The following PCSK5 variants were observed in gnomAD, a reference collection of about 807,000 sequenced individuals.
PCSK5 encodes proprotein convertase subtilisin/kexin type 5, also known as prohormone convertase 5.
In PCSK5, 129 loss-of-function variants were observed where a neutral mutation model predicts 233.2. The ratio of observed to expected loss-of-function variants is 0.55; its 90% CI spans 0.48 to 0.64. The LOEUF (loss-of-function observed/expected upper bound fraction) is 0.64, where lower values mean the gene tolerates loss of function less well. Ranked by LOEUF, PCSK5 falls within the 30% of genes least tolerant of loss-of-function variation. The pLI, the probability that PCSK5 is intolerant of heterozygous loss-of-function variation, is 0.00. For missense variants in PCSK5, 2,076 were observed against 2,430.1 expected (o/e 0.85, Z 3.06); for synonymous variants, 825 against 879.2 (o/e 0.94, Z 1.09).
chr9:76,194,674 C>A (rs761247123), intron 20 of PCSK5: 1 of 437,194 alleles, frequency 2.3e-6, no homozygotes, highest in African/African-American at 2.1e-5. Context: ...AACTAGAAGA[C>A]TGAATTATGA....
At chr9:76,045,535 GAA>G (rs1464235180) in intron 5 of PCSK5, among the ~76,000 whole-genome samples, 2 of 152,170 alleles carry the variant, frequency 1.3e-5, no homozygotes, top group Admixed American at 6.5e-5. Flanking sequence ...GAGAGGAAAA[GAA>G]AAGTTTTGCC....
Position 76,296,816 on chromosome 9 carries a change from G to A in PCSK5, c.3474G>A (p.Gly1158=), listed in dbSNP as rs1564164227. 8.7e-6 allele frequency: 14 copies of A among 1,612,446 alleles called. No individual in the cohort carries two copies. The highest frequency in any genetic ancestry group is 1.2e-5 in the Non-Finnish European group (14 of 1,179,582). ...AGGAAGGACTGCAGCTGCTGCGTGG[G>A]ATGTGCGTGCATGCCACCAAGACCC... The part of the protein sequence containing the change: ...SCQEGLQLLR[G]MCVHATKTQE... Residue 1158 remains glycine, a synonymous_variant, in exon 27 of 38, where the codon GGG becomes GGA. Coordinates refer to ENST00000674117, the MANE Select transcript of PCSK5 (RefSeq NM_001372043.1).
At chr9:75,956,943 G>C (rs1563936667) in intron 2 of PCSK5, among the ~76,000 whole-genome samples, 2 of 152,010 alleles carry the variant, frequency 1.3e-5, no homozygotes, top group African/African-American at 4.8e-5. Context: ...CTCCCCAGCA[G>C]ATTTGCAATT....
intron 24 of PCSK5, among the ~76,000 whole-genome samples, chr9:76,245,151 C>T (rs1243850280): frequency 1.3e-5 from 2 of 152,024 alleles, no homozygotes; most frequent in African/African-American, 2.4e-5. Context: ...GATTATATAC[C>T]ATTGACTTGA....
chr9:76,104,310 G>C (rs928595265), intron 8 of PCSK5, among the ~76,000 whole-genome samples: 1 of 152,110 alleles, frequency 6.6e-6, no homozygotes, highest in Non-Finnish European at 1.5e-5. Flanking sequence ...AGAAGGGAGT[G>C]GGGATGTTTT....
chr9:75,896,301 T>G (rs975149430), intron 1 of PCSK5, among the ~76,000 whole-genome samples: 5 of 152,202 alleles, frequency 3.3e-5, no homozygotes, highest in African/African-American at 1.2e-4. Context: ...TTTCGGGGTC[T>G]ATTTGAAGTG....
At chr9:76,324,189 G>T (rs1829293369) in intron 32 of PCSK5, among the ~76,000 whole-genome samples, 2 of 151,920 alleles carry the variant, frequency 1.3e-5, no homozygotes, top group Non-Finnish European at 2.9e-5. Context: ...CCCTTCCAAA[G>T]TGCTGGGATA....
chr9:76,280,116 C>T (rs1382361229), intron 24 of PCSK5, among the ~76,000 whole-genome samples: 1 of 152,142 alleles, frequency 6.6e-6, no homozygotes, highest in Non-Finnish European at 1.5e-5. Context: ...TTGTAATTCT[C>T]ACAATATTTT....
intron 24 of PCSK5, among the ~76,000 whole-genome samples, chr9:76,277,660 T>C (rs1321768862): frequency 6.6e-6 from 1 of 152,182 alleles, no homozygotes; most frequent in Admixed American, 6.5e-5. Context: ...ACAACATGAT[T>C]GAAAATCACT....
intron 3 of PCSK5, among the ~76,000 whole-genome samples, chr9:76,000,384 C>A (rs1382630182): frequency 1.3e-5 from 2 of 152,190 alleles, no homozygotes; most frequent in African/African-American, 4.8e-5. Flanking sequence ...GTATTTCCAT[C>A]TGTAGGTACA....
At chr9:76,252,281 A>G (rs1363874247) in intron 24 of PCSK5, among the ~76,000 whole-genome samples, 2 of 152,140 alleles carry the variant, frequency 1.3e-5, no homozygotes, top group Non-Finnish European at 2.9e-5. Flanking sequence ...AGAAAAAATA[A>G]TAATAATAAT....
chr9:76,086,608 TG>T (rs1330011711), intron 7 of PCSK5, among the ~76,000 whole-genome samples: 3 of 152,186 alleles, frequency 2.0e-5, no homozygotes, highest in African/African-American at 7.2e-5. Context: ...AAGAGAAGGT[TG>T]TTTTATTTTG....
At position 76,175,144 on chromosome 9, in the gene PCSK5, A is replaced by G; in HGVS notation, c.1900+15A>G. 6.2e-7 allele frequency: 1 copy of G among 1,613,388 alleles called. No individual in the cohort carries two copies. The highest frequency in any genetic ancestry group is 8.5e-7 in the Non-Finnish European group (1 of 1,179,732). On this transcript the variant is annotated intron_variant, in intron 14 of 37. Transcript: ENST00000674117. ...GGATTATGCAGGTGAGCTGGCTTCC[A>G]GTGGGACACAGGCTAAAAAGAGGCA...
intron 1 of PCSK5, among the ~76,000 whole-genome samples, chr9:75,916,501 G>A (rs966177973): frequency 6.6e-6 from 1 of 152,174 alleles, no homozygotes; most frequent in African/African-American, 2.4e-5. Flanking sequence ...AGTAACTGGG[G>A]AAGGCAATTT....
chr9:76,077,719 C>A lies in PCSK5; in HGVS notation c.894+5821C>A, dbSNP rs570568762. Among the ~76,000 whole-genome samples the A allele has an allele frequency of 2.0e-4, 31 of 152,268 alleles. No homozygotes were observed. In the East Asian group the frequency reaches 5.4e-3, roughly 27 times the overall value. ...ATAGCCTCCAACTGTATCCATGTTG[C>A]TACAAAGGACATGGTTTTATTCTTT... On this transcript the variant is annotated intron_variant, in intron 7 of 37. Transcript: ENST00000674117.
intron 1 of PCSK5, among the ~76,000 whole-genome samples, chr9:75,897,501 T>TC (rs1170622334): frequency 1.3e-5 from 2 of 149,344 alleles, no homozygotes; most frequent in African/African-American, 4.9e-5. Context: ...TTTTTTTTTT[T>TC]TTTTTTTCCC....
Position 76,067,804 on chromosome 9 carries a change from G to C in PCSK5, c.633-151G>C, listed in dbSNP as rs1039400726. The C allele has an allele frequency of 6.2e-6, 4 of 640,366 alleles. No individual in the cohort carries two copies. The East Asian group carries it at 1.1e-4, about 17-fold the overall frequency. The allele number at this position is 640,366 out of a possible 1,614,324, so 39.7% of individuals were successfully genotyped here. ...CAATCTAATTAAGTGCTAGAAGTTT[G>C]CCATGGACAGACAAAGTGCTACTTG... On this transcript the variant is annotated intron_variant, in intron 5 of 37. Coordinates refer to ENST00000674117, the MANE Select transcript of PCSK5 (RefSeq NM_001372043.1).
intron 13 of PCSK5, among the ~76,000 whole-genome samples, chr9:76,173,496 C>CTTTTTTTTTTTTTTTTTTTGTTTTTTTT (rs1823420229): frequency 1.6e-5 from 1 of 60,968 alleles, no homozygotes; most frequent in Non-Finnish European, 3.3e-5. Context: ...GGCACGTTTC[C>CTTTTTTTTTTTTTTTTTTTGTTTTTTTT]TTTTTTTTTT....
At chr9:76,191,181 A>T (rs1416601824) in intron 20 of PCSK5, among the ~76,000 whole-genome samples, 2 of 151,680 alleles carry the variant, frequency 1.3e-5, no homozygotes, top group African/African-American at 4.8e-5. Flanking sequence ...TGTTGTTCAA[A>T]ACATCTTTGG....
Sources: allele counts gnomAD v4.1 joint callset (sites outside exome capture counted in the v4.1 genomes callset), GRCh38; gene constraint gnomAD v4.1.1; transcripts MANE v1.5; gene names NCBI Gene and HGNC (gene_info 2026-07-23, HGNC 2026-07-21).